Variants in RGS17 observed in about 807,000 individuals in gnomAD.
RGS17 encodes the protein regulator of G-protein signaling 17.
RGS17 carries 12 observed loss-of-function variants against 25.5 expected under a neutral mutation model. The observed-to-expected ratio is 0.47, with a 90% CI of 0.30 to 0.76. The LOEUF (loss-of-function observed/expected upper bound fraction) is 0.76. RGS17 is among the 30% of genes least tolerant of loss of function. RGS17 has a pLI of 0.07. For missense variants in RGS17, 196 were observed against 242.2 expected (o/e 0.81, Z 1.27); for synonymous variants, 71 against 76.9 (o/e 0.92, Z 0.40).
intron 1 of RGS17, among the ~76,000 whole-genome samples, chr6:153,044,702 G>C (rs1394230792): frequency 6.6e-6 from 1 of 152,048 alleles, no homozygotes; most frequent in African/African-American, 2.4e-5. Flanking sequence ...ACGGAGAGTT[G>C]GGGGAAAATA....
chr6:153,081,871 T>C (rs543931626), intron 1 of RGS17, among the ~76,000 whole-genome samples: 1 of 152,350 alleles, frequency 6.6e-6, no homozygotes, highest in Admixed American at 6.5e-5. Flanking sequence ...TGTTTCTACA[T>C]GGTATTACTT....
At chr6:153,084,233 A>G (rs1777022254) in intron 1 of RGS17, among the ~76,000 whole-genome samples, 1 of 152,190 alleles carries the variant, frequency 6.6e-6, no homozygotes. Flanking sequence ...TGTTTTCTCT[A>G]CAGTTGCTCC....
intron 1 of RGS17, among the ~76,000 whole-genome samples, chr6:153,106,735 C>T (rs193097359): frequency 1.6e-4 from 24 of 152,048 alleles, no homozygotes; most frequent in Admixed American, 9.8e-4. Context: ...CTCCACCTCC[C>T]GGTTTCAAGC....
At chr6:153,096,751 A>G (rs1224507324) in intron 1 of RGS17, among the ~76,000 whole-genome samples, 1 of 152,254 alleles carries the variant, frequency 6.6e-6, no homozygotes, top group Admixed American at 6.5e-5. Flanking sequence ...TAATAGGGTC[A>G]TAGAACTGGC....
chr6:153,023,760 G>A (rs1779270221), intron 4 of RGS17, among the ~76,000 whole-genome samples: 2 of 152,032 alleles, frequency 1.3e-5, no homozygotes, highest in East Asian at 1.9e-4. Flanking sequence ...TTTTTTTTGA[G>A]TACCTATACC....
At chr6:153,123,824 T>C (rs537522394) in intron 1 of RGS17, among the ~76,000 whole-genome samples, 1 of 152,318 alleles carries the variant, frequency 6.6e-6, no homozygotes, top group East Asian at 1.9e-4. Flanking sequence ...TAGAATATCT[T>C]ACATTACAAT....
At chr6:153,063,829 A>G (rs1379219530) in intron 1 of RGS17, among the ~76,000 whole-genome samples, 1 of 152,200 alleles carries the variant, frequency 6.6e-6, no homozygotes, top group Non-Finnish European at 1.5e-5. Context: ...GGATGAAGAA[A>G]GGATCCTAAA....
chr6:153,050,928 G>A (rs777879991), intron 1 of RGS17, among the ~76,000 whole-genome samples: 50 of 152,320 alleles, frequency 3.3e-4, no homozygotes, highest in Non-Finnish European at 5.9e-4. Flanking sequence ...TAGGTCACAA[G>A]AGCAGAGCCT....
At chr6:153,020,081 C>A (rs1646077744) in intron 4 of RGS17, among the ~76,000 whole-genome samples, 1 of 117,108 alleles carries the variant, frequency 8.5e-6, no homozygotes, top group Non-Finnish European at 1.7e-5. Context: ...GTTATGTCAC[C>A]TCCTAATTGC....
At chr6:153,021,021 T>C (rs770202480) in intron 4 of RGS17, among the ~76,000 whole-genome samples, 11 of 152,204 alleles carry the variant, frequency 7.2e-5, no homozygotes, top group Non-Finnish European at 1.5e-4. Flanking sequence ...ATTTCAGAGA[T>C]AGAAAGCCCA....
intron 1 of RGS17, among the ~76,000 whole-genome samples, chr6:153,059,621 A>G (rs1174078109): frequency 2.6e-5 from 4 of 152,268 alleles, no homozygotes; most frequent in Non-Finnish European, 5.9e-5. Flanking sequence ...AAGAAACCCT[A>G]TTTATTGCTA....
At chr6:153,020,100 TAAAAAA>T (rs57320874) in intron 4 of RGS17, among the ~76,000 whole-genome samples, 9 of 45,022 alleles carry the variant, frequency 2.0e-4, no homozygotes, top group Admixed American at 4.1e-4. Context: ...GCAAATATCT[TAAAAAA>T]AAAAAATATA....
intron 1 of RGS17, among the ~76,000 whole-genome samples, chr6:153,099,088 G>A (rs970945855): frequency 6.6e-6 from 1 of 152,072 alleles, no homozygotes; most frequent in African/African-American, 2.4e-5. Flanking sequence ...TGAATTATCT[G>A]ATCACTTGAG....
chr6:153,055,526 AAAG>A (rs1454251648), intron 1 of RGS17, among the ~76,000 whole-genome samples: 2 of 152,090 alleles, frequency 1.3e-5, no homozygotes, highest in Non-Finnish European at 2.9e-5. Context: ...TCTCCTTTGC[AAAG>A]AAGGACATAC....
intron 2 of RGS17, among the ~76,000 whole-genome samples, chr6:153,042,066 G>A (rs188701404): frequency 6.6e-5 from 10 of 152,278 alleles, no homozygotes; most frequent in African/African-American, 7.2e-5. Context: ...TTTGAACCCC[G>A]GCAGTCTGAC....
intron 1 of RGS17, among the ~76,000 whole-genome samples, chr6:153,126,881 A>G (rs1777711753): frequency 6.6e-6 from 1 of 152,214 alleles, no homozygotes; most frequent in African/African-American, 2.4e-5. Context: ...TAAAAATATC[A>G]ATTTTAATTT....
intron 2 of RGS17, among the ~76,000 whole-genome samples, chr6:153,042,171 C>G (rs957713823): frequency 1.1e-4 from 17 of 152,170 alleles, no homozygotes; most frequent in Non-Finnish European, 1.6e-4. Context: ...AAAGATTACA[C>G]AACTATGATT....
intron 2 of RGS17, among the ~76,000 whole-genome samples, chr6:153,036,743 T>A (rs1025946156): frequency 6.6e-6 from 1 of 152,208 alleles, no homozygotes; most frequent in Non-Finnish European, 1.5e-5. Flanking sequence ...TTCTCTTTCT[T>A]GTCTATCATT....
chr6:153,062,156 A>C (rs573665724), intron 1 of RGS17, among the ~76,000 whole-genome samples: 7 of 136,828 alleles, frequency 5.1e-5, no homozygotes, highest in Non-Finnish European at 1.1e-4. Context: ...AGAGCACGTC[A>C]TAAGAACTAA....
Sources: allele counts gnomAD v4.1 joint callset (sites outside exome capture counted in the v4.1 genomes callset), GRCh38; gene constraint gnomAD v4.1.1; transcripts MANE v1.5; gene names NCBI Gene and HGNC (gene_info 2026-07-23, HGNC 2026-07-21).